Variants in QTMAN observed in about 807,000 individuals in gnomAD.
The protein encoded by QTMAN is tRNA-queuosine alpha-mannosyltransferase.
the QTMAN span, among the ~76,000 whole-genome samples, chr2:144,041,771 G>A: frequency 1.3e-5 from 2 of 152,198 alleles, no homozygotes; most frequent in Non-Finnish European, 2.9e-5. Flanking sequence ...AGGAACAGGA[G>A]CCAGTCCAGG....
At chr2:144,096,445 A>C in the QTMAN span, among the ~76,000 whole-genome samples, 1 of 152,232 alleles carries the variant, frequency 6.6e-6, no homozygotes, top group Admixed American at 6.5e-5. Flanking sequence ...AAAAAGGAAG[A>C]CACTGTAGAA....
At chr2:144,007,188 T>A in the QTMAN span, 1 of 1,579,550 alleles carries the variant, frequency 6.3e-7, no homozygotes, top group Non-Finnish European at 8.6e-7. Context: ...TTACCACCTG[T>A]GAGGCCAGAC....
chr2:144,262,828 C>T, the QTMAN span, among the ~76,000 whole-genome samples: 1 of 50,984 alleles, frequency 2.0e-5, no homozygotes, highest in Admixed American at 2.4e-4. Context: ...GAGAGGGGAG[C>T]AGGGAGAGGG....
the QTMAN span, among the ~76,000 whole-genome samples, chr2:144,139,297 A>G: frequency 6.6e-6 from 1 of 152,176 alleles, no homozygotes; most frequent in Admixed American, 6.6e-5. Flanking sequence ...AGTCCTCTAT[A>G]TTCAGATGCC....
the QTMAN span, among the ~76,000 whole-genome samples, chr2:144,021,629 C>T: frequency 6.6e-6 from 1 of 152,054 alleles, no homozygotes; most frequent in African/African-American, 2.4e-5. Flanking sequence ...GAATTAGTGA[C>T]AGTGACAGAG....
the QTMAN span, among the ~76,000 whole-genome samples, chr2:143,955,683 C>A: frequency 2.0e-5 from 3 of 152,094 alleles, no homozygotes; most frequent in African/African-American, 7.2e-5. Flanking sequence ...GGGCATTTAG[C>A]CAACATCAAA....
At chr2:143,979,390 C>A in the QTMAN span, among the ~76,000 whole-genome samples, 6 of 152,190 alleles carry the variant, frequency 3.9e-5, no homozygotes, top group Admixed American at 2.6e-4. Context: ...TACAGCTGCA[C>A]GTGAATCTAT....
At chr2:144,128,132 A>G in the QTMAN span, 2 of 152,080 alleles carry the variant, frequency 1.3e-5, no homozygotes, top group African/African-American at 2.4e-5. Context: ...TAAATAATTT[A>G]TATAAAACTT....
the QTMAN span, among the ~76,000 whole-genome samples, chr2:144,031,229 C>T: frequency 1.3e-5 from 2 of 151,538 alleles, no homozygotes; most frequent in East Asian, 1.9e-4. Flanking sequence ...TAAGTTGCCA[C>T]CAGAATTGAA....
chr2:143,971,177 G>A, the QTMAN span, among the ~76,000 whole-genome samples: 5 of 151,358 alleles, frequency 3.3e-5, no homozygotes, highest in Non-Finnish European at 5.9e-5. Flanking sequence ...CAATGATCAT[G>A]AGAATGTACC....
At chr2:144,076,372 G>A in the QTMAN span, among the ~76,000 whole-genome samples, 1 of 152,180 alleles carries the variant, frequency 6.6e-6, no homozygotes, top group Admixed American at 6.5e-5. Context: ...TTCACCTGAG[G>A]TGCACAGTCC....
At chr2:144,071,786 T>G in the QTMAN span, among the ~76,000 whole-genome samples, 1 of 152,128 alleles carries the variant, frequency 6.6e-6, no homozygotes. Flanking sequence ...ATAAAATGAA[T>G]CATACAAGAT....
chr2:144,288,306 C>T, the QTMAN span, among the ~76,000 whole-genome samples: 2 of 152,166 alleles, frequency 1.3e-5, no homozygotes, highest in East Asian at 1.9e-4. Flanking sequence ...AAAAACTGTA[C>T]CACAAAAATG....
chr2:143,960,855 A>G, the QTMAN span, among the ~76,000 whole-genome samples: 2 of 152,192 alleles, frequency 1.3e-5, no homozygotes, highest in African/African-American at 4.8e-5. Context: ...GAAAAAGTAT[A>G]ATTATTATGC....
At chr2:143,948,257 T>C in the QTMAN span, among the ~76,000 whole-genome samples, 31 of 152,294 alleles carry the variant, frequency 2.0e-4, no homozygotes, top group South Asian at 6.4e-3. Flanking sequence ...AGCTTAATTA[T>C]TGTTTGGAAT....
the QTMAN span, among the ~76,000 whole-genome samples, chr2:143,974,671 T>A: frequency 6.6e-6 from 1 of 152,190 alleles, no homozygotes; most frequent in Non-Finnish European, 1.5e-5. Flanking sequence ...TTAATGGAAA[T>A]TATCTTTAGG....
the QTMAN span, among the ~76,000 whole-genome samples, chr2:144,146,548 C>T: frequency 6.6e-6 from 1 of 151,722 alleles, no homozygotes; most frequent in East Asian, 1.9e-4. Flanking sequence ...CCAGGAAGAA[C>T]AGAAAAGATG....
At chr2:144,100,561 T>C in the QTMAN span, among the ~76,000 whole-genome samples, 28 of 152,316 alleles carry the variant, frequency 1.8e-4, no homozygotes, top group Admixed American at 5.9e-4. Context: ...TTCTTCCTTA[T>C]ACAGGAAGTT....
chr2:144,135,575 T>G, the QTMAN span, among the ~76,000 whole-genome samples: 2 of 152,188 alleles, frequency 1.3e-5, no homozygotes, highest in Non-Finnish European at 2.9e-5. Flanking sequence ...TTTTCAGAAC[T>G]TCAACCTTTT....
Sources: gnomAD v4.1 joint callset for allele counts (sites outside exome capture counted in the v4.1 genomes callset) on GRCh38, gnomAD v4.1.1 for gene constraint, MANE v1.5 for transcripts, NCBI Gene and HGNC (gene_info 2026-07-23, HGNC 2026-07-21) for gene names.